TMEM182: variants seen among roughly 807,000 people sequenced by gnomAD.
The protein encoded by TMEM182 is transmembrane protein 182.
Under a neutral mutation model 26.8 loss-of-function variants are expected in TMEM182, and 20 were observed. The observed-to-expected ratio is 0.75, with a 90% CI of 0.53 to 1.09. TMEM182 has a LOEUF of 1.09. TMEM182 is among the 50% of genes least tolerant of loss of function. The probability of loss-of-function intolerance (pLI) is 0.00; values close to 1 mark genes in which losing one functional copy is unlikely to be tolerated. For synonymous variants in TMEM182, 109 were observed against 102.2 expected, an observed-to-expected ratio of 1.07 and a Z score of -0.40; for missense variants, 277 against 275.5, an observed-to-expected ratio of 1.01 and a Z score of -0.04.
chr2:102,795,209 T>C (rs1681818376), intron 3 of TMEM182, among the ~76,000 whole-genome samples: 1 of 152,216 alleles, frequency 6.6e-6, no homozygotes, highest in Non-Finnish European at 1.5e-5. Context: ...CTATAGAAAA[T>C]GGTTCTAATA....
chr2:102,779,061 C>G (rs1681049378), intron 3 of TMEM182, among the ~76,000 whole-genome samples: 1 of 151,896 alleles, frequency 6.6e-6, no homozygotes, highest in African/African-American at 2.4e-5. Flanking sequence ...CTTGATTTTC[C>G]TTTCATTACT....
intron 3 of TMEM182, among the ~76,000 whole-genome samples, chr2:102,792,041 T>TAC (rs34305726): frequency 0.21 from 30,612 of 147,006 alleles, 3,312 homozygotes; most frequent in Middle Eastern, 0.27. Flanking sequence ...TATGTGTGTA[T>TAC]ACACACACAC....
chr2:102,787,243 A>C (rs1293138183), intron 3 of TMEM182, among the ~76,000 whole-genome samples: 1 of 152,220 alleles, frequency 6.6e-6, no homozygotes. Context: ...GGCGGCTTAA[A>C]CAAGACATTT....
intron 4 of TMEM182, among the ~76,000 whole-genome samples, chr2:102,810,894 A>G (rs186896380): frequency 6.6e-6 from 1 of 152,028 alleles, no homozygotes; most frequent in Non-Finnish European, 1.5e-5. Context: ...TTTGTAACTC[A>G]TTGTTATTCA....
intron 3 of TMEM182, among the ~76,000 whole-genome samples, chr2:102,784,275 C>T (rs1213745525): frequency 6.6e-6 from 1 of 151,970 alleles, no homozygotes. Context: ...CTTTGTCTCA[C>T]AGTATTTTAC....
chr2:102,743,256 G>A (rs540685439), intron 1 of TMEM182, among the ~76,000 whole-genome samples: 2 of 152,164 alleles, frequency 1.3e-5, no homozygotes, highest in South Asian at 4.1e-4. Flanking sequence ...AAACTCTAGG[G>A]CAACCACAAA....
intron 3 of TMEM182, among the ~76,000 whole-genome samples, chr2:102,826,656 T>TC (rs1297525983): frequency 6.6e-6 from 1 of 152,180 alleles, no homozygotes; most frequent in Non-Finnish European, 1.5e-5. Flanking sequence ...ACCTTACTAT[T>TC]CCGAAGTCAC....
At chr2:102,807,458 A>T (rs557141851) in intron 4 of TMEM182, among the ~76,000 whole-genome samples, 2 of 152,262 alleles carry the variant, frequency 1.3e-5, no homozygotes, top group Non-Finnish European at 2.9e-5. Flanking sequence ...AAACAATAGC[A>T]TACTAATGTA....
At chr2:102,756,099 G>A (rs750931744) in intron 1 of TMEM182, among the ~76,000 whole-genome samples, 2 of 152,196 alleles carry the variant, frequency 1.3e-5, no homozygotes, top group Non-Finnish European at 2.9e-5. Flanking sequence ...GGAGCTACTG[G>A]TGCTCCAGGA....
At chr2:102,780,431 C>T (rs1010193167) in intron 3 of TMEM182, among the ~76,000 whole-genome samples, 4 of 152,056 alleles carry the variant, frequency 2.6e-5, no homozygotes, top group Admixed American at 1.3e-4. Flanking sequence ...ATACCAGTCT[C>T]GCTGGGCAAG....
At chr2:102,753,200 C>CCG (rs10690141) in intron 1 of TMEM182, among the ~76,000 whole-genome samples, 40,729 of 151,418 alleles carry the variant, frequency 0.27, 5,605 homozygotes, top group African/African-American at 0.33. Context: ...AGCTTCCCCC[C>CCG]CCCACTGCCT....
chr2:102,825,150 A>G (rs536996974), intron 3 of TMEM182, among the ~76,000 whole-genome samples: 1 of 152,360 alleles, frequency 6.6e-6, no homozygotes, highest in Non-Finnish European at 1.5e-5. Flanking sequence ...AACACATGGT[A>G]TCTAAGGTCT....
At chr2:102,795,717 T>G (rs911815258) in intron 3 of TMEM182, among the ~76,000 whole-genome samples, 4 of 152,178 alleles carry the variant, frequency 2.6e-5, no homozygotes, top group Non-Finnish European at 5.9e-5. Context: ...ACGTGGAATT[T>G]TAGAGTCTTT....
downstream of TMEM182, among the ~76,000 whole-genome samples, chr2:102,819,290 G>C (rs941065741): frequency 3.9e-5 from 6 of 152,184 alleles, no homozygotes; most frequent in Admixed American, 1.3e-4. Flanking sequence ...ACCAAAGAGT[G>C]ATGTGTAAAG....
intron 3 of TMEM182, among the ~76,000 whole-genome samples, chr2:102,769,262 G>A (rs1680581266): frequency 6.6e-6 from 1 of 152,094 alleles, no homozygotes; most frequent in African/African-American, 2.4e-5. Flanking sequence ...AGTATCATCA[G>A]GGGTTGAACA....
At chr2:102,805,505 C>T (rs1558783016) in intron 4 of TMEM182, among the ~76,000 whole-genome samples, 1 of 152,112 alleles carries the variant, frequency 6.6e-6, no homozygotes, top group Non-Finnish European at 1.5e-5. Context: ...CTAACACCTG[C>T]CCAGATAAAT....
chr2:102,837,065 T>C lies in TMEM182; in HGVS notation c.326-6347T>C, dbSNP rs755932694. 3.5e-4 allele frequency among the ~76,000 whole-genome samples: 54 copies of C among 152,224 alleles called. 1 individual carries two copies. The highest frequency in any genetic ancestry group is 1.2e-4 in the Non-Finnish European group (8 of 68,036). The stretch of plus-strand genomic sequence containing the variant: ...AGATGAGAGGTCTGTGTTATTATGG[T>C]ACCTCCCTCCAACCTTAATTGTTTT... On this transcript the variant is annotated intron_variant, in intron 3 of 3. Transcript: ENST00000486293.
At chr2:102,763,913 A>AT (rs546811927) in intron 2 of TMEM182, among the ~76,000 whole-genome samples, 4 of 152,280 alleles carry the variant, frequency 2.6e-5, no homozygotes, top group South Asian at 2.1e-4. Context: ...ATATAGAAGA[A>AT]TTTTTTTATT....
intron 3 of TMEM182, among the ~76,000 whole-genome samples, chr2:102,829,519 A>G (rs1394817620): frequency 6.6e-6 from 1 of 152,182 alleles, no homozygotes; most frequent in African/African-American, 2.4e-5. Flanking sequence ...AGAAGGTGTT[A>G]GAAGACAGAA....
Sources: allele counts gnomAD v4.1 joint callset (sites outside exome capture counted in the v4.1 genomes callset), GRCh38; gene constraint gnomAD v4.1.1; transcripts MANE v1.5; gene names NCBI Gene and HGNC (gene_info 2026-07-23, HGNC 2026-07-21).